ZNF7: variants seen among roughly 807,000 people sequenced by gnomAD.
ZNF7 encodes C2-H2 type zinc finger protein.
A neutral mutation model predicts 12.0 loss-of-function variants in ZNF7; 10 were observed. That is an observed-to-expected ratio of 0.83 (90% CI 0.51 to 1.42). The LOEUF (loss-of-function observed/expected upper bound fraction) is 1.42. Among genes scored for constraint, ZNF7 ranks in the 40% most tolerant of loss-of-function variants. The pLI is 0.00. For synonymous variants in ZNF7, 334 were observed against 295.0 expected (o/e 1.13, Z -1.35); for missense variants, 854 against 837.2 (o/e 1.02, Z -0.25).
In ZNF7 at chr8:144,842,439, C is replaced by T; in HGVS notation, c.1332C>T (p.Asn444=). ...CTGGAGAGAAGCCTTATAAATGCAA[C>T]AAGTGTACAAAAGCCTTTGGTTGTA... ...IHTGEKPYKC[N]KCTKAFGCSS... is the part of the protein sequence containing the mutation. The change falls in exon 5 of 5, where the codon AAC becomes AAT. Residue 444 remains asparagine (N), a synonymous_variant. Coordinates refer to ENST00000532777, the MANE Select transcript of ZNF7 (RefSeq NM_003416.4). 6.2e-7 allele frequency: 1 copy of T among 1,613,954 alleles called. No individual in the cohort carries two copies. The highest frequency in any genetic ancestry group is 1.1e-5 in the South Asian group (1 of 91,074).
Position 144,837,414 on chromosome 8 carries a change from G to T in ZNF7, c.154G>T (p.Glu52Ter). ...GLAGFLVFKPELISRLEQGEE... is the reference protein window; with the variant it reads ...GLAGFLVFKP ...AGCAGGATTCCTGGTTTTCAAGCCT[G>T]AGCTGATCTCTCGGCTGGAGCAGGG... The change falls in exon 4 of 5, where the codon GAG becomes TAG. Residue 52 changes from glutamate (E) to a stop codon, truncating the protein, a stop_gained. Coordinates refer to ENST00000532777, the MANE Select transcript of ZNF7 (RefSeq NM_003416.4). LOFTEE classifies it high-confidence loss of function. The T allele has an allele frequency of 6.2e-7, 1 of 1,612,606 alleles. No individual in the cohort carries two copies.
Position 144,843,544 on chromosome 8 carries a change from C to T in ZNF7, c.*376C>T, listed in dbSNP as rs575377842. On this transcript the variant is annotated 3_prime_UTR_variant, in exon 5 of 5. Transcript: ENST00000532777. ...CGGAGCTTGCAGTGAGCTGAGATCG[C>T]GCCACTGCACTCCAGCCTGGGTGAC... 144 of 152,238 alleles carry T rather than the reference C, an allele frequency of 9.5e-4. No homozygotes were observed. The highest frequency in any genetic ancestry group is 1.5e-3 in the Non-Finnish European group (107 of 70,406). The allele number at this position is 152,238 out of a possible 1,614,324, so 9.4% of individuals were successfully genotyped here.
In ZNF7 at chr8:144,829,104, C is replaced by T. The variant is rs376039481; in HGVS notation, c.3+14C>T. The T allele has an allele frequency of 6.2e-6, 10 of 1,613,822 alleles. No homozygotes were observed. In the African/African-American group the frequency reaches 8.0e-5, roughly 13 times the overall value. The stretch of plus-strand genomic sequence containing the variant: ...CTGAGCCTCATGGTAGGAAGCTTGA[C>T]TGCCTCCTTCCCCTCGCATGTCCTG... On this transcript the variant is annotated intron_variant, in intron 2 of 4. Coordinates refer to ENST00000532777, the MANE Select transcript of ZNF7 (RefSeq NM_003416.4).
rs1030895718 is a variant in ZNF7, at chr8:144,840,494, C to T, written c.248-861C>T. ...AACGTGATTGTGTCGTGGTGGGGAC[C>T]GTGGTTGTCATGATCATAGCCGTGT... On this transcript the variant is annotated intron_variant, in intron 4 of 4. Coordinates refer to ENST00000532777, the MANE Select transcript of ZNF7 (RefSeq NM_003416.4). Among the ~76,000 whole-genome samples the T allele has an allele frequency of 4.6e-5, 7 of 152,212 alleles. No homozygotes were observed. In the South Asian group the frequency reaches 6.2e-4, roughly 14 times the overall value.
At chr8:144,844,731 A>AC (rs909989804), downstream of ZNF7, among the ~76,000 whole-genome samples, 4 of 149,384 alleles carry the variant, frequency 2.7e-5, no homozygotes, top group Non-Finnish European at 5.9e-5. Context: ...AAAAAAAAAA[A>AC]AAAAACGAAA....
At chr8:144,839,835 A>AC (rs1829631173) in intron 4 of ZNF7, among the ~76,000 whole-genome samples, 1 of 152,080 alleles carries the variant, frequency 6.6e-6, no homozygotes, top group African/African-American at 2.4e-5. Context: ...CCAGCTGTGC[A>AC]CCCCCACGCT....
At chr8:144,834,847 TCTC>T (rs1188140601) in intron 3 of ZNF7, 1 of 151,980 alleles carries the variant, frequency 6.6e-6, no homozygotes, top group African/African-American at 2.4e-5. Context: ...TTCACGCCAT[TCTC>T]CTGCCTCAGC....
chr8:144,846,311 C>A, downstream of ZNF7: 1 of 858,310 alleles, frequency 1.2e-6, no homozygotes, highest in Non-Finnish European at 1.7e-6. Context: ...GGTCCTAAGT[C>A]AGGGGCTGGC....
chr8:144,837,975 A>G lies in ZNF7; in HGVS notation c.247+468A>G, dbSNP rs149618192. The G allele has an allele frequency of 2.1e-5, 14 of 675,300 alleles. No individual in the cohort carries two copies. The African/African-American group carries it at 2.5e-4, about 12-fold the overall frequency. The allele number at this position is 675,300 out of a possible 1,614,324, so 41.8% of individuals were successfully genotyped here. The stretch of plus-strand genomic sequence containing the variant: ...CATAACAATGAACCACAGACTAGGA[A>G]GCTTAAAACAACAGAAATTTATTGT... On this transcript the variant is annotated intron_variant, in intron 4 of 4. Coordinates refer to ENST00000532777, the MANE Select transcript of ZNF7 (RefSeq NM_003416.4).
In ZNF7 at chr8:144,843,171, C is replaced by A; in HGVS notation, c.*3C>A. The A allele has an allele frequency of 6.4e-7, 1 of 1,566,632 alleles. No individual in the cohort carries two copies. On this transcript the variant is annotated 3_prime_UTR_variant, in exon 5 of 5. Transcript: ENST00000532777. ...ATCAAAAAATTCACATGGGATAGAC[C>A]ACTTACATATAAATGTGTATATATG...
chr8:144,829,800 G>T, intron 3 of ZNF7, 196 bp downstream of exon 3: 1 of 568,992 alleles, frequency 1.8e-6, no homozygotes. Flanking sequence ...CCCAGGGAGT[G>T]GGTGGGATTC....
chr8:144,841,116 C>G, intron 4 of ZNF7: 2 of 505,258 alleles, frequency 4.0e-6, no homozygotes, highest in Non-Finnish European at 7.0e-6. Context: ...CTCACAGAAC[C>G]CAGCCCTGCC....
Position 144,843,103 on chromosome 8 carries a change from G to C in ZNF7, c.1996G>C (p.Asp666His). ...HTGEKPYKCN[D>H]CGKAFNRSSR... Reference sequence around the variant, plus strand: ...CGGGGAGAAGCCTTATAAATGCAATGACTGTGGCAAAGCTTTTAATCGTAG... The same window carrying C: ...CGGGGAGAAGCCTTATAAATGCAATCACTGTGGCAAAGCTTTTAATCGTAG... Residue 666 changes from aspartate to histidine, a missense_variant, in exon 5 of 5, where the codon GAC (aspartate) becomes CAC (histidine). Physicochemically the swap from Asp to His is moderately conservative, Grantham distance 81. Coordinates refer to ENST00000532777, the MANE Select transcript of ZNF7 (RefSeq NM_003416.4). The C allele has an allele frequency of 6.2e-7, 1 of 1,612,490 alleles. No homozygotes were observed. The highest frequency in any genetic ancestry group is 1.7e-5 in the Admixed American group (1 of 59,646).
chr8:144,837,910 CCT>C lies in ZNF7; in HGVS notation c.247+407_247+408del, dbSNP rs1829220945. On this transcript the variant is annotated intron_variant, in intron 4 of 4. Coordinates refer to ENST00000532777, the MANE Select transcript of ZNF7 (RefSeq NM_003416.4). The stretch of plus-strand genomic sequence containing the variant: ...TTCCCTGAGGCAGCTCCCTTCAGAC[CCT>C]CTCAGGCTCCAGGAGTGCATTACTT... 1.2e-5 allele frequency: 7 copies of C among 603,054 alleles called. No individual in the cohort carries two copies. The East Asian group carries it at 1.4e-4, about 12-fold the overall frequency. The allele number at this position is 603,054 out of a possible 1,614,324, so 37.4% of individuals were successfully genotyped here.
chr8:144,842,687 G>A lies in ZNF7; in HGVS notation c.1580G>A (p.Cys527Tyr). The change falls in exon 5 of 5, where the codon TGC becomes TAC. Residue 527 changes from cysteine to tyrosine, a missense_variant. Transcript: ENST00000532777. ...CATAAAGGAGAGAAGCCCTACGAAT[G>A]CCTCCAATGCGGAAAAGCCTTCAGT... ...RIHKGEKPYE[C>Y]LQCGKAFSMS... 6.2e-7 allele frequency: 1 copy of A among 1,614,160 alleles called. No homozygotes were observed.
At chr8:144,844,335 A>ACTGT (rs1830359631), downstream of ZNF7, among the ~76,000 whole-genome samples, 1 of 152,182 alleles carries the variant, frequency 6.6e-6, no homozygotes, top group South Asian at 2.1e-4. Context: ...GAGGCTGATG[A>ACTGT]CTGTCTTGTA....
chr8:144,839,302 C>T (rs1281216317), intron 4 of ZNF7, among the ~76,000 whole-genome samples: 1 of 152,254 alleles, frequency 6.6e-6, no homozygotes, highest in Non-Finnish European at 1.5e-5. Flanking sequence ...GTGGGCCTTG[C>T]AGCCGCCCAG....
intron 4 of ZNF7, among the ~76,000 whole-genome samples, chr8:144,839,072 G>GC (rs1162395025): frequency 1.6e-5 from 1 of 61,148 alleles, no homozygotes; most frequent in Non-Finnish European, 3.4e-5. Context: ...ATGCGCCTAG[G>GC]GGCTGTGACC....
chr8:144,844,805 A>G (rs1268884520), downstream of ZNF7, among the ~76,000 whole-genome samples: 1 of 149,188 alleles, frequency 6.7e-6, no homozygotes, highest in Admixed American at 6.7e-5. Context: ...AGGGGTGATG[A>G]GAGGGAGTGG....
Sources: gnomAD v4.1 joint callset for allele counts (sites outside exome capture counted in the v4.1 genomes callset) on GRCh38, gnomAD v4.1.1 for gene constraint, MANE v1.5 for transcripts, NCBI Gene and HGNC (gene_info 2026-07-23, HGNC 2026-07-21) for gene names.